The following DPY19L1 variants were observed in gnomAD, a reference collection of about 807,000 sequenced individuals.
The protein encoded by DPY19L1 is dpy-19 like C-mannosyltransferase 1.
In DPY19L1, 35 loss-of-function variants were observed where a neutral mutation model predicts 96.9. That is an observed-to-expected ratio of 0.36 (90% CI 0.28 to 0.48). The LOEUF is 0.48. DPY19L1 is among the 20% of genes least tolerant of loss of function. The pLI, the probability that DPY19L1 is intolerant of heterozygous loss-of-function variation, is 0.99. For missense variants in DPY19L1, 521 were observed against 777.9 expected (o/e 0.67, Z 3.93); for synonymous variants, 205 against 252.6 (o/e 0.81, Z 1.79).
chr7:34,985,379 G>T (rs1471489815), intron 7 of DPY19L1, among the ~76,000 whole-genome samples: 2 of 152,112 alleles, frequency 1.3e-5, no homozygotes, highest in Non-Finnish European at 2.9e-5. Context: ...AATTAACAGA[G>T]TGTACAGTCA....
intron 3 of DPY19L1, among the ~76,000 whole-genome samples, chr7:35,017,341 A>T (rs1785876375): frequency 6.6e-6 from 1 of 151,072 alleles, no homozygotes; most frequent in Non-Finnish European, 1.5e-5. Flanking sequence ...AAAAAATACA[A>T]AAAATTAGCC....
At chr7:35,009,249 G>A (rs1302629631) in intron 6 of DPY19L1, among the ~76,000 whole-genome samples, 3 of 152,140 alleles carry the variant, frequency 2.0e-5, no homozygotes, top group African/African-American at 7.2e-5. Context: ...ACTTCCAAAG[G>A]AAAGGAGATA....
At chr7:34,954,373 G>A (rs993643574) in intron 13 of DPY19L1, among the ~76,000 whole-genome samples, 8 of 151,912 alleles carry the variant, frequency 5.3e-5, no homozygotes, top group Non-Finnish European at 1.2e-4. Context: ...CTCTAAAGAT[G>A]GTGTCTTTAC....
intron 16 of DPY19L1, among the ~76,000 whole-genome samples, chr7:34,945,409 CTG>C (rs1784123694): frequency 6.6e-6 from 1 of 152,198 alleles, no homozygotes; most frequent in South Asian, 2.1e-4. Flanking sequence ...AAGTACAAAA[CTG>C]TGTCCTTTGA....
chr7:34,945,240 T>A (rs1584206058), intron 16 of DPY19L1, among the ~76,000 whole-genome samples: 1 of 151,684 alleles, frequency 6.6e-6, no homozygotes, highest in Admixed American at 6.6e-5. Flanking sequence ...AATTTTGGGT[T>A]TTTTTTTTCC....
intron 1 of DPY19L1, among the ~76,000 whole-genome samples, chr7:35,022,035 GA>G (rs1271668342): frequency 1.3e-5 from 2 of 152,058 alleles, no homozygotes; most frequent in Admixed American, 1.3e-4. Context: ...AATAAAAACG[GA>G]AAATGACAAA....
At chr7:34,990,976 G>T (rs1251690448) in intron 6 of DPY19L1, among the ~76,000 whole-genome samples, 1 of 152,210 alleles carries the variant, frequency 6.6e-6, no homozygotes, top group Non-Finnish European at 1.5e-5. Flanking sequence ...AGATGCAATG[G>T]CCAGCAGGGA....
chr7:34,935,751 G>C (rs1783855790), intron 21 of DPY19L1, among the ~76,000 whole-genome samples: 1 of 152,168 alleles, frequency 6.6e-6, no homozygotes, highest in Non-Finnish European at 1.5e-5. Context: ...AATAAGGAAG[G>C]TCCCAAACCA....
rs1783942950 is a variant in DPY19L1 at position 34,939,270 on chromosome 7, A to C, written c.1964+6T>G. The C allele has an allele frequency of 1.2e-6, 2 of 1,612,460 alleles. No individual in the cohort carries two copies. Among genetic ancestry groups the C allele is most frequent in the East Asian group, 2.2e-5 (1 of 44,850 alleles). On this transcript the variant is annotated splice_donor_region_variant and intron_variant, in intron 20 of 21. Transcript: ENST00000638088. ...TTGTTTTGATGATGCAAGACTGTGC[A>C]CTGACCTCAAGCCTGCGTCTTCATA...
chr7:34,985,596 T>G (rs1420928040), intron 7 of DPY19L1, among the ~76,000 whole-genome samples: 8 of 150,330 alleles, frequency 5.3e-5, no homozygotes, highest in African/African-American at 2.0e-4. Context: ...TCTCAAACCA[T>G]AGGGGAAATT....
intron 6 of DPY19L1, among the ~76,000 whole-genome samples, chr7:35,009,935 T>A (rs1304973029): frequency 5.9e-5 from 9 of 152,090 alleles, no homozygotes; most frequent in Non-Finnish European, 5.9e-5. Flanking sequence ...TGCCTATGAA[T>A]ATTCAAAATT....
At chr7:34,997,609 C>CAAAAAAAAA (rs3048611) in intron 6 of DPY19L1, among the ~76,000 whole-genome samples, 4 of 75,662 alleles carry the variant, frequency 5.3e-5, no homozygotes, top group African/African-American at 1.1e-4. Context: ...GACTCCGTCT[C>CAAAAAAAAA]AAAAAAAAAA....
In DPY19L1 at chr7:34,942,781, A is replaced by G. The variant is rs150724877; in HGVS notation, c.1545-142T>C. 1.7e-3 allele frequency: 1,112 copies of G among 662,142 alleles called. 6 individuals carry two copies. The African/African-American group carries it at 0.018, about 11-fold the overall frequency. The allele number at this position is 662,142 out of a possible 1,614,324, so 41.0% of individuals were successfully genotyped here. A position where few individuals can be genotyped will look rare whatever the true frequency, so the allele number is the denominator to read the frequency against. Reference sequence around the variant, plus strand: ...ACACACAGGCAAATCAAAATAACTAAAAGTCACATGCCAAAACTGGTGCTA... The same window carrying G: ...ACACACAGGCAAATCAAAATAACTAGAAGTCACATGCCAAAACTGGTGCTA... On this transcript the variant is annotated intron_variant, in intron 16 of 21. Coordinates refer to ENST00000638088, the MANE Select transcript of DPY19L1 (RefSeq NM_001366673.1).
Position 34,986,685 on chromosome 7 carries a change from T to G in DPY19L1, c.822+3199A>C, listed in dbSNP as rs61670431. On this transcript the variant is annotated intron_variant, in intron 7 of 21. Coordinates refer to ENST00000638088, the MANE Select transcript of DPY19L1 (RefSeq NM_001366673.1). Reference sequence around the variant, plus strand: ...ATGTATGTTTATAGTTTAGTCTCAGTTCAGTGGAAAAATATTTAAGAAATA... The same window carrying G: ...ATGTATGTTTATAGTTTAGTCTCAGGTCAGTGGAAAAATATTTAAGAAATA... Among the ~76,000 whole-genome samples, 149 of 152,108 alleles carry G rather than the reference T, an allele frequency of 9.8e-4. 1 individual carries two copies. The East Asian group carries it at 0.027, about 27-fold the overall frequency.
At chr7:34,937,964 T>C (rs753063575) in intron 21 of DPY19L1, 30 bp downstream of exon 21, 65 of 1,605,652 alleles carry the variant, frequency 4.0e-5, no homozygotes, top group East Asian at 1.3e-4. Context: ...TGTCTTATGA[T>C]TATAAAATGT....
intron 21 of DPY19L1, among the ~76,000 whole-genome samples, chr7:34,937,289 A>C (rs2128780522): frequency 6.6e-6 from 1 of 152,330 alleles, no homozygotes. Context: ...CCAGGAAAGA[A>C]AAATTTCATT....
At chr7:35,003,065 C>T (rs752080298) in intron 6 of DPY19L1, among the ~76,000 whole-genome samples, 9 of 152,246 alleles carry the variant, frequency 5.9e-5, no homozygotes, top group Admixed American at 3.3e-4. Context: ...CCACCGTGCC[C>T]GGCCAGCAAC....
At chr7:34,961,628 A>C (rs1174676137) in intron 10 of DPY19L1, among the ~76,000 whole-genome samples, 1 of 152,216 alleles carries the variant, frequency 6.6e-6, no homozygotes. Context: ...CAATTTATGA[A>C]AGAAACAATT....
chr7:34,979,288 A>G (rs2128669918), intron 7 of DPY19L1, among the ~76,000 whole-genome samples: 1 of 152,240 alleles, frequency 6.6e-6, no homozygotes, highest in Middle Eastern at 3.4e-3. Flanking sequence ...CACCTTTATC[A>G]TGTGGTTATA....
Sources: gnomAD v4.1 joint callset for allele counts (sites outside exome capture counted in the v4.1 genomes callset) on GRCh38, gnomAD v4.1.1 for gene constraint, MANE v1.5 for transcripts, NCBI Gene and HGNC (gene_info 2026-07-23, HGNC 2026-07-21) for gene names.